VIRMA: variants seen among roughly 807,000 people sequenced by gnomAD.
The protein encoded by VIRMA is protein virilizer homolog.
In VIRMA, 65 loss-of-function variants were observed where a neutral mutation model predicts 182.4. The ratio of observed to expected loss-of-function variants is 0.36; its 90% CI spans 0.29 to 0.44. VIRMA has a LOEUF of 0.44. Among genes scored for constraint, VIRMA ranks in the 20% least tolerant of loss-of-function variants. The pLI, the probability that VIRMA is intolerant of heterozygous loss-of-function variation, is 1.00. For missense variants in VIRMA, 1,752 were observed against 2,158.1 expected (o/e 0.81, Z 3.73); for synonymous variants, 709 against 743.1 (o/e 0.95, Z 0.75).
intron 1 of VIRMA, among the ~76,000 whole-genome samples, chr8:94,551,783 G>C (rs901723207): frequency 2.0e-5 from 3 of 152,142 alleles, no homozygotes; most frequent in African/African-American, 7.2e-5. Flanking sequence ...GGAGCACAGT[G>C]GTGTGATCTT....
At chr8:94,546,956 T>TA (rs1401648650) in intron 1 of VIRMA, 1 of 455,546 alleles carries the variant, frequency 2.2e-6, no homozygotes, top group Non-Finnish European at 4.4e-6. Flanking sequence ...TTCTCATTTT[T>TA]ATGCCCTCAC....
chr8:94,493,418 A>G (rs10095883), intron 20 of VIRMA, among the ~76,000 whole-genome samples: 3 of 152,234 alleles, frequency 2.0e-5, no homozygotes, highest in Admixed American at 2.0e-4. Context: ...AACTTTTAAC[A>G]AATATTTTAT....
intron 4 of VIRMA, 89 bp from the exon 5 acceptor site, chr8:94,535,096 AC>A: frequency 6.7e-7 from 1 of 1,500,896 alleles, no homozygotes; most frequent in South Asian, 1.4e-5. Context: ...TTGTGGTTCA[AC>A]TAAAGTCTTT....
rs147254961 is a variant in VIRMA, at chr8:94,528,942, A to T, written c.880+128T>A. The T allele has an allele frequency of 3.5e-6, 4 of 1,150,904 alleles. No homozygotes were observed. In the African/African-American group the frequency reaches 4.6e-5, roughly 13 times the overall value. 71.3% of individuals were successfully genotyped at this position (1,150,904 alleles called of 1,614,324 possible). A position where few individuals can be genotyped will look rare whatever the true frequency, so the allele number is the denominator to read the frequency against. On this transcript the variant is annotated intron_variant, in intron 7 of 23. Transcript: ENST00000297591. ...CATTTCTAGTCATGCCTTGAGGCCT[A>T]GCTACATTCTGACCCTGGGTTTCTT...
intron 2 of VIRMA, among the ~76,000 whole-genome samples, chr8:94,541,222 A>G (rs1033631956): frequency 1.3e-5 from 2 of 151,206 alleles, no homozygotes; most frequent in Non-Finnish European, 3.0e-5. Flanking sequence ...CCTGGGTTCA[A>G]GCAATCCTCC....
At chr8:94,530,915 T>G in intron 6 of VIRMA, 48 bp downstream of exon 6, 2 of 1,572,666 alleles carry the variant, frequency 1.3e-6, no homozygotes, top group Non-Finnish European at 1.7e-6. Context: ...AAAACAAAAA[T>G]GTACTATTAA....
At chr8:94,510,014 C>T (rs940964954) in intron 14 of VIRMA, 74 bp from the exon 15 acceptor site, 3 of 1,281,954 alleles carry the variant, frequency 2.3e-6, no homozygotes, top group Non-Finnish European at 3.2e-6. Context: ...ATTTATTTCT[C>T]AATACACATC....
intron 16 of VIRMA, among the ~76,000 whole-genome samples, chr8:94,505,144 TGGATGTGAAGCA>T (rs1814111144): frequency 6.6e-6 from 1 of 152,056 alleles, no homozygotes; most frequent in Non-Finnish European, 1.5e-5. Context: ...GCATGAGGAA[TGGATGTGAAGCA>T]GGTGCCATCA....
chr8:94,530,923 T>G, intron 6 of VIRMA, 40 bp downstream of exon 6: 1 of 1,582,594 alleles, frequency 6.3e-7, no homozygotes, highest in East Asian at 2.3e-5. Flanking sequence ...AATGTACTAT[T>G]AACTAGGGGG....
Position 94,509,625 on chromosome 8 carries a change from T to TACAC in VIRMA, c.3879+59_3879+62dup, listed in dbSNP as rs138207070. ...CAAAATTTACATCAAGATGCTTAAA[T>TACAC]ACACACACACACACACACACATACA... On this transcript the variant is annotated intron_variant, in intron 15 of 23. Coordinates refer to ENST00000297591, the MANE Select transcript of VIRMA (RefSeq NM_015496.5). 2.3e-3 allele frequency: 3,305 copies of TACAC among 1,412,654 alleles called. 2 individuals carry two copies. Among genetic ancestry groups the TACAC allele is most frequent in the African/African-American group, 0.011 (738 of 67,986 alleles). The allele number at this position is 1,412,654 out of a possible 1,614,324, so 87.5% of individuals were successfully genotyped here.
intron 1 of VIRMA, 137 bp from the exon 2 acceptor site, chr8:94,544,079 T>A: frequency 3.6e-6 from 2 of 560,942 alleles, no homozygotes; most frequent in Non-Finnish European, 3.2e-6. Flanking sequence ...AAATATATTA[T>A]TTACAGTGTT....
intron 8 of VIRMA, among the ~76,000 whole-genome samples, chr8:94,523,180 T>C (rs1199973825): frequency 6.6e-6 from 1 of 152,164 alleles, no homozygotes; most frequent in East Asian, 1.9e-4. Flanking sequence ...ACCAAACTCC[T>C]ACACTTGTAC....
intron 10 of VIRMA, among the ~76,000 whole-genome samples, chr8:94,515,205 TCCTG>T (rs1021137660): frequency 3.9e-4 from 59 of 151,916 alleles, no homozygotes; most frequent in African/African-American, 1.3e-3. Context: ...CAAGCAATTC[TCCTG>T]CCTCAGCCTC....
intron 10 of VIRMA, among the ~76,000 whole-genome samples, chr8:94,515,662 G>A (rs1004760331): frequency 8.6e-5 from 13 of 151,814 alleles, no homozygotes; most frequent in Admixed American, 3.3e-4. Flanking sequence ...GTGAGCCACC[G>A]CGCCCAGCTT....
rs1302578412 is a variant in VIRMA, at chr8:94,509,798, C to T, written c.3769G>A (p.Ala1257Thr). 1.9e-6 allele frequency: 3 copies of T among 1,613,952 alleles called. No homozygotes were observed. Among genetic ancestry groups the T allele is most frequent in the Non-Finnish European group, 2.5e-6 (3 of 1,179,976 alleles). ...NGTIKGDERY[A>T]EIFQDLLALV... The stretch of plus-strand genomic sequence containing the variant: ...GCTAAAAGATCCTGGAATATCTCTG[C>T]ATATCTTTCATCACCTTTAATAGTT... Residue 1257 changes from alanine to threonine, a missense_variant, in exon 15 of 24, where the codon GCA becomes ACA. By Grantham distance (58) the Ala-to-Thr change is moderately conservative. This residue lies in a region of VIRMA where 777 missense variants were observed against 920.6 expected (regional missense o/e 0.84). Transcript: ENST00000297591.
intron 3 of VIRMA, 62 bp from the exon 4 acceptor site, chr8:94,537,213 C>T (rs1815375677): frequency 8.8e-6 from 9 of 1,027,218 alleles, no homozygotes; most frequent in Admixed American, 3.7e-5. Context: ...TTCATGAAGA[C>T]GTCTCTCTAG....
chr8:94,548,790 G>T (rs1303216292), intron 1 of VIRMA, among the ~76,000 whole-genome samples: 1 of 152,084 alleles, frequency 6.6e-6, no homozygotes, highest in Non-Finnish European at 1.5e-5. Context: ...TGAGTAGCTG[G>T]GACTACAGGC....
intron 2 of VIRMA, among the ~76,000 whole-genome samples, chr8:94,540,410 C>A (rs1447974557): frequency 6.6e-6 from 1 of 151,790 alleles, no homozygotes; most frequent in South Asian, 2.1e-4. Context: ...ATCATATGCA[C>A]CCAACAACTC....
In VIRMA at chr8:94,514,863, A is replaced by T; in HGVS notation, c.2751+6T>A. 2 of 1,517,554 alleles carry T rather than the reference A, an allele frequency of 1.3e-6. No individual in the cohort carries two copies. Among genetic ancestry groups the T allele is most frequent in the Non-Finnish European group, 1.8e-6 (2 of 1,104,966 alleles). 94.0% of individuals were successfully genotyped at this position (1,517,554 alleles called of 1,614,324 possible). A position where few individuals can be genotyped will look rare whatever the true frequency, so the allele number is the denominator to read the frequency against. On this transcript the variant is annotated splice_donor_region_variant and intron_variant, in intron 11 of 23. Coordinates refer to ENST00000297591, the MANE Select transcript of VIRMA (RefSeq NM_015496.5). ...AAGTCAAAGCACTTTTAAGTTTTAC[A>T]CTTACCTGCTTAACATACTCAATTA... is the stretch of plus-strand genomic sequence containing the variant.
Sources: gnomAD v4.1 joint callset for allele counts (sites outside exome capture counted in the v4.1 genomes callset) on GRCh38, gnomAD v4.1.1 for gene constraint, gnomAD v4.1.1 regional missense constraint, MANE v1.5 for transcripts, NCBI Gene and HGNC (gene_info 2026-07-23, HGNC 2026-07-21) for gene names.